The following CACNA1A variants were observed in gnomAD, a reference collection of about 807,000 sequenced individuals.
The protein encoded by CACNA1A is voltage-dependent P/Q-type calcium channel subunit alpha-1A.
CACNA1A carries 57 observed loss-of-function variants against 262.4 expected under a neutral mutation model. The observed-to-expected ratio is 0.22, with a 90% confidence interval of 0.18 to 0.27. The LOEUF (loss-of-function observed/expected upper bound fraction) is 0.27. Ranked by LOEUF, CACNA1A falls within the 10% of genes least tolerant of loss-of-function variation. The pLI, the probability that CACNA1A is intolerant of heterozygous loss-of-function variation, is 1.00. For synonymous variants in CACNA1A, 1,431 were observed against 1,419.3 expected, an observed-to-expected ratio of 1.01 and a Z score of -0.18; for missense variants, 2,526 against 3,562.8, an observed-to-expected ratio of 0.71 and a Z score of 7.41.
chr19:13,337,122 A>T (rs1220929532), intron 6 of CACNA1A, among the ~76,000 whole-genome samples: 1 of 152,208 alleles, frequency 6.6e-6, no homozygotes, highest in Non-Finnish European at 1.5e-5. Flanking sequence ...GAACCCTCAT[A>T]ATCTGCCAAT....
chr19:13,231,195 A>C (rs1481849986), intron 35 of CACNA1A, among the ~76,000 whole-genome samples: 1 of 123,994 alleles, frequency 8.1e-6, no homozygotes, highest in African/African-American at 3.0e-5. Context: ...TTTTTTTTTT[A>C]AAGAGATGGG....
chr19:13,471,493 T>G (rs538094460), intron 1 of CACNA1A, among the ~76,000 whole-genome samples: 5 of 152,264 alleles, frequency 3.3e-5, no homozygotes, highest in African/African-American at 9.6e-5. Context: ...CCAATTCTAC[T>G]TCCGAAATTA....
At chr19:13,404,171 T>C (rs2059959900) in intron 3 of CACNA1A, among the ~76,000 whole-genome samples, 1 of 148,836 alleles carries the variant, frequency 6.7e-6, no homozygotes, top group Non-Finnish European at 1.5e-5. Flanking sequence ...CATATGTGCA[T>C]ATATATATAT....
chr19:13,328,812 G>A (rs2058414836), intron 10 of CACNA1A, among the ~76,000 whole-genome samples: 1 of 151,788 alleles, frequency 6.6e-6, no homozygotes, highest in Admixed American at 6.6e-5. Flanking sequence ...TATAAACTAG[G>A]GGCGAGCGAT....
At chr19:13,291,056 G>C (rs1251712874) in intron 19 of CACNA1A, among the ~76,000 whole-genome samples, 1 of 152,120 alleles carries the variant, frequency 6.6e-6, no homozygotes, top group Non-Finnish European at 1.5e-5. Flanking sequence ...CATTTCCAAA[G>C]TGTCTCCAAG....
intron 3 of CACNA1A, among the ~76,000 whole-genome samples, chr19:13,403,712 G>C (rs1263238654): frequency 6.6e-6 from 1 of 152,094 alleles, no homozygotes; most frequent in Non-Finnish European, 1.5e-5. Flanking sequence ...GAGGTGGGGG[G>C]ATTGCTTGAA....
chr19:13,455,316 C>T, intron 1 of CACNA1A, 104 bp from the exon 2 acceptor site: 1 of 676,230 alleles, frequency 1.5e-6, no homozygotes, highest in Non-Finnish European at 2.8e-6. Flanking sequence ...CCTCTAGATC[C>T]TTCCAACTCA....
At chr19:13,480,966 T>C (rs1979225503) in intron 1 of CACNA1A, among the ~76,000 whole-genome samples, 1 of 152,160 alleles carries the variant, frequency 6.6e-6, no homozygotes, top group African/African-American at 2.4e-5. Flanking sequence ...GGACTCCGAA[T>C]CTAGATAGCC....
intron 23 of CACNA1A, among the ~76,000 whole-genome samples, chr19:13,276,785 C>T (rs558092550): frequency 6.6e-6 from 1 of 151,004 alleles, no homozygotes; most frequent in African/African-American, 2.4e-5. Context: ...GCAGCCTCCA[C>T]ATCGGCTCAT....
intron 12 of CACNA1A, among the ~76,000 whole-genome samples, chr19:13,310,527 G>GAGAGAC (rs2058013293): frequency 9.1e-6 from 1 of 109,766 alleles, no homozygotes; most frequent in Non-Finnish European, 1.8e-5. Context: ...GAGAGAGAGA[G>GAGAGAC]AGAGTTTAAT....
intron 3 of CACNA1A, among the ~76,000 whole-genome samples, chr19:13,406,904 C>A (rs1164636919): frequency 6.6e-6 from 1 of 151,916 alleles, no homozygotes; most frequent in Non-Finnish European, 1.5e-5. Context: ...CTTCTCTTGC[C>A]ATTTCCCTCT....
intron 3 of CACNA1A, among the ~76,000 whole-genome samples, chr19:13,440,186 T>A (rs2060690981): frequency 6.6e-6 from 1 of 152,104 alleles, no homozygotes; most frequent in Non-Finnish European, 1.5e-5. Flanking sequence ...CTCAAACTCC[T>A]GGGCTTGGCT....
At chr19:13,261,761 C>G in intron 25 of CACNA1A, 151 bp from the exon 26 acceptor site, 2 of 700,948 alleles carry the variant, frequency 2.9e-6, no homozygotes, top group Non-Finnish European at 4.7e-6. Flanking sequence ...GTCCCCCCAG[C>G]TTTCAGAAAT....
chr19:13,306,367 C>T lies in CACNA1A; in HGVS notation c.1986+1415G>A, dbSNP rs191983245. Among the ~76,000 whole-genome samples, 296 of 152,146 alleles carry T rather than the reference C, an allele frequency of 1.9e-3. 1 individual carries two copies. The highest frequency in any genetic ancestry group is 6.9e-3 in the African/African-American group (287 of 41,512). Reference sequence around the variant, plus strand: ...TCTTCAGATTTGATGGGTGTATTAGCCATTTTTTTTCTCTGCCTTTTTTTT... The same window carrying T: ...TCTTCAGATTTGATGGGTGTATTAGTCATTTTTTTTCTCTGCCTTTTTTTT... On this transcript the variant is annotated intron_variant, in intron 15 of 46. Coordinates refer to ENST00000360228, the MANE Select transcript of CACNA1A (RefSeq NM_001127222.2).
At chr19:13,234,805 G>A (rs1440348370) in intron 34 of CACNA1A, 116 bp downstream of exon 34, 28 of 738,714 alleles carry the variant, frequency 3.8e-5, no homozygotes, top group Non-Finnish European at 6.2e-5. Flanking sequence ...AGAAGAGAAG[G>A]AGGAGGGCAC....
At chr19:13,413,130 T>A (rs1267800553) in intron 3 of CACNA1A, among the ~76,000 whole-genome samples, 1 of 149,460 alleles carries the variant, frequency 6.7e-6, no homozygotes, top group Non-Finnish European at 1.5e-5. Context: ...TTTTAGATGG[T>A]GTCTCGCGCT....
In CACNA1A at chr19:13,215,588, G is replaced by A. The variant is rs554419959; in HGVS notation, c.5732-980C>T. Among the ~76,000 whole-genome samples, 523 of 151,020 alleles carry A rather than the reference G, an allele frequency of 3.5e-3. 4 individuals are homozygous for A. The highest frequency in any genetic ancestry group is 0.012 in the African/African-American group (487 of 41,100). On this transcript the variant is annotated intron_variant, in intron 38 of 46. Coordinates refer to ENST00000360228, the MANE Select transcript of CACNA1A (RefSeq NM_001127222.2). ...CCCTCCTCAGCCTCCCAAAGTGCTG[G>A]CGATTACATGCGTGAGCCACCGCGT...
At chr19:13,209,149 G>T in intron 45 of CACNA1A, 140 bp from the exon 46 acceptor site, 1 of 1,361,012 alleles carries the variant, frequency 7.3e-7, no homozygotes, top group East Asian at 2.5e-5. Context: ...GTTGGGGGGA[G>T]GGGGTAGTAC....
intron 1 of CACNA1A, among the ~76,000 whole-genome samples, chr19:13,478,449 C>G (rs541038016): frequency 5.1e-4 from 78 of 152,180 alleles, no homozygotes; most frequent in Non-Finnish European, 1.0e-3. Context: ...TCCTAAGTAG[C>G]TGGAACTACA....
Sources: gnomAD v4.1 joint callset for allele counts (sites outside exome capture counted in the v4.1 genomes callset) on GRCh38, gnomAD v4.1.1 for gene constraint, MANE v1.5 for transcripts, NCBI Gene and HGNC (gene_info 2026-07-23, HGNC 2026-07-21) for gene names.